TIA1: variants seen among roughly 807,000 people sequenced by gnomAD.
TIA1 encodes the protein TIA1 cytotoxic granule associated RNA binding protein.
A neutral mutation model predicts 65.9 loss-of-function variants in TIA1; 23 were observed. The ratio of observed to expected loss-of-function variants is 0.35; its 90% CI spans 0.25 to 0.49. TIA1 has a LOEUF of 0.49. Among genes scored for constraint, TIA1 ranks in the 20% least tolerant of loss-of-function variants. The pLI is 0.98. For synonymous variants in TIA1, 147 were observed against 149.4 expected, an observed-to-expected ratio of 0.98 and a Z score of 0.12; for missense variants, 371 against 477.9, an observed-to-expected ratio of 0.78 and a Z score of 2.09.
At chr2:70,224,953 A>G (rs1683170930) in intron 6 of TIA1, 1 of 1,068,356 alleles carries the variant, frequency 9.4e-7, no homozygotes, top group South Asian at 3.4e-5. Flanking sequence ...TATAAAGTTC[A>G]CAGGACATTA....
chr2:70,220,631 T>C (rs2104113470), intron 7 of TIA1, among the ~76,000 whole-genome samples: 1 of 152,066 alleles, frequency 6.6e-6, no homozygotes, highest in African/African-American at 2.4e-5. Flanking sequence ...TCCAAAACAT[T>C]GAGAAAATAA....
At chr2:70,215,681 T>C in intron 10 of TIA1, 187 bp from the exon 11 acceptor site, 1 of 555,028 alleles carries the variant, frequency 1.8e-6, no homozygotes, top group South Asian at 2.4e-5. Context: ...AATGTGTGTT[T>C]CACTGGCCTT....
intron 6 of TIA1, 166 bp from the exon 7 acceptor site, chr2:70,224,795 C>T: frequency 1.4e-6 from 2 of 1,392,292 alleles, no homozygotes; most frequent in Admixed American, 3.0e-5. Context: ...GGAAATGAGG[C>T]TTAATTTTAT....
intron 7 of TIA1, among the ~76,000 whole-genome samples, chr2:70,223,509 C>G (rs936725187): frequency 6.6e-6 from 1 of 151,890 alleles, no homozygotes; most frequent in African/African-American, 2.4e-5. Context: ...GCAGCTTTGG[C>G]CTCCTGGATT....
intron 1 of TIA1, among the ~76,000 whole-genome samples, chr2:70,242,682 G>A (rs547453828): frequency 2.6e-5 from 4 of 151,994 alleles, no homozygotes; most frequent in Admixed American, 6.6e-5. Context: ...ACCATTATGC[G>A]TCCATGGCCT....
intron 1 of TIA1, among the ~76,000 whole-genome samples, chr2:70,246,847 C>T (rs1694601784): frequency 6.6e-6 from 1 of 152,162 alleles, no homozygotes; most frequent in African/African-American, 2.4e-5. Context: ...AATCGCATCA[C>T]TGCACTCTAG....
Position 70,210,175 on chromosome 2 carries a change from CAAT to C in TIA1, c.*2541_*2543del, listed in dbSNP as rs1321160730. ...CCAAAAAGAAAAAAAATCTCACACA[CAAT>C]AATCACTGCAAGAAGATCCCACAGG... is the stretch of plus-strand genomic sequence containing the variant. On this transcript the variant is annotated 3_prime_UTR_variant, in exon 13 of 13. Transcript: ENST00000433529. 4 of 153,978 alleles carry C rather than the reference CAAT, an allele frequency of 2.6e-5. No individual in the cohort carries two copies. Among genetic ancestry groups the C allele is most frequent in the African/African-American group, 9.7e-5 (4 of 41,426 alleles). 9.5% of individuals were successfully genotyped at this position (153,978 alleles called of 1,614,324 possible).
chr2:70,213,789 C>T (rs1677375591), intron 12 of TIA1, among the ~76,000 whole-genome samples: 1 of 151,980 alleles, frequency 6.6e-6, no homozygotes, highest in African/African-American at 2.4e-5. Flanking sequence ...ATAGCTGGAA[C>T]TACTGGTGTG....
At chr2:70,215,591 C>T in intron 10 of TIA1, 97 bp from the exon 11 acceptor site, 2 of 1,120,976 alleles carry the variant, frequency 1.8e-6, no homozygotes, top group East Asian at 2.6e-5. Context: ...TGAGGTAAAA[C>T]AGTTTGCGTA....
At chr2:70,221,077 G>A (rs1389672282) in intron 7 of TIA1, among the ~76,000 whole-genome samples, 2 of 152,088 alleles carry the variant, frequency 1.3e-5, no homozygotes, top group African/African-American at 4.8e-5. Context: ...CATAATCTCA[G>A]CTCACTGCAA....
intron 2 of TIA1, 51 bp from the exon 3 acceptor site, chr2:70,230,905 CCTTAA>C: frequency 7.1e-7 from 1 of 1,417,326 alleles, no homozygotes; most frequent in South Asian, 1.3e-5. Flanking sequence ...TCACCCATTA[CCTTAA>C]AATTATGTAA....
At chr2:70,240,970 T>C (rs1691415130) in intron 1 of TIA1, among the ~76,000 whole-genome samples, 1 of 152,198 alleles carries the variant, frequency 6.6e-6, no homozygotes, top group African/African-American at 2.4e-5. Context: ...AAAATAGTTT[T>C]TTCTTACAGA....
rs1469927009 is a variant in TIA1, at chr2:70,248,530, T to C, written c.-100A>G. 5 of 1,569,078 alleles carry C rather than the reference T, an allele frequency of 3.2e-6. No individual in the cohort carries two copies. The South Asian group carries it at 5.6e-5, about 18-fold the overall frequency. On this transcript the variant is annotated 5_prime_UTR_variant, in exon 1 of 13. Coordinates refer to ENST00000433529, the MANE Select transcript of TIA1 (RefSeq NM_022173.4). ...TATGGCTACAGGATAGTGGGGTTTC[T>C]CGGCTGACCAGAGGTTACTCCGCCT...
At chr2:70,223,933 T>C (rs1682685666) in intron 7 of TIA1, among the ~76,000 whole-genome samples, 2 of 152,038 alleles carry the variant, frequency 1.3e-5, no homozygotes. Flanking sequence ...TATTTATTTA[T>C]TTTTTGAGAC....
chr2:70,216,387 A>G lies in TIA1; in HGVS notation c.679+17T>C. The stretch of plus-strand genomic sequence containing the variant: ...TGCACTTTAAAAATTAATGCCACAC[A>G]GGGAAGGCTCCCATACCTGTTAGCC... On this transcript the variant is annotated intron_variant, in intron 9 of 12. Transcript: ENST00000433529. The G allele has an allele frequency of 1.9e-6, 3 of 1,601,322 alleles. No individual in the cohort carries two copies. In the East Asian group the frequency reaches 6.7e-5, roughly 36 times the overall value.
rs1032886744 is a variant in TIA1, at chr2:70,227,667, A to G, written c.398+68T>C. On this transcript the variant is annotated intron_variant, in intron 6 of 12. Coordinates refer to ENST00000433529, the MANE Select transcript of TIA1 (RefSeq NM_022173.4). ...AATGTACAAAATTCACAACAGAATT[A>G]TTTTCAAGTTATGTCTACATATAAT... 6.8e-6 allele frequency: 7 copies of G among 1,036,158 alleles called. No individual in the cohort carries two copies. In the African/African-American group the frequency reaches 1.1e-4, roughly 17 times the overall value. 64.2% of individuals were successfully genotyped at this position (1,036,158 alleles called of 1,614,324 possible). A position where few individuals can be genotyped will look rare whatever the true frequency, so the allele number is the denominator to read the frequency against.
At chr2:70,248,383 C>T (rs1307960755) in intron 1 of TIA1, 22 bp downstream of exon 1, 1 of 1,598,184 alleles carries the variant, frequency 6.3e-7, no homozygotes, top group Non-Finnish European at 8.5e-7. Flanking sequence ...TCCCGCCTCC[C>T]TCATCGCTGC....
At chr2:70,226,210 T>C (rs1377106985) in intron 6 of TIA1, among the ~76,000 whole-genome samples, 1 of 151,876 alleles carries the variant, frequency 6.6e-6, no homozygotes, top group Non-Finnish European at 1.5e-5. Context: ...AGACTAAAAA[T>C]ATGACACAGA....
chr2:70,213,654 AT>A (rs1677283985), intron 12 of TIA1, among the ~76,000 whole-genome samples: 1 of 142,440 alleles, frequency 7.0e-6, no homozygotes, highest in Non-Finnish European at 1.5e-5. Flanking sequence ...CAACCACAAA[AT>A]CCTTTTTTTT....
Sources: gnomAD v4.1 joint callset for allele counts (sites outside exome capture counted in the v4.1 genomes callset) on GRCh38, gnomAD v4.1.1 for gene constraint, MANE v1.5 for transcripts, NCBI Gene and HGNC (gene_info 2026-07-23, HGNC 2026-07-21) for gene names.